The following TRAPPC9 variants were observed in gnomAD, a reference collection of about 807,000 sequenced individuals.
TRAPPC9 encodes the protein trafficking protein particle complex subunit 9.
In TRAPPC9, 83 loss-of-function variants were observed where a neutral mutation model predicts 124.0. The observed-to-expected ratio is 0.67, with a 90% CI of 0.56 to 0.80. The LOEUF (loss-of-function observed/expected upper bound fraction) is 0.80, where lower values mean the gene tolerates loss of function less well. Ranked by LOEUF, TRAPPC9 falls within the 30% of genes least tolerant of loss-of-function variation. The pLI is 0.00. For missense variants in TRAPPC9, 1,302 were observed against 1,508.3 expected (o/e 0.86, Z 2.27); for synonymous variants, 638 against 617.5 (o/e 1.03, Z -0.49).
intron 21 of TRAPPC9, among the ~76,000 whole-genome samples, chr8:139,876,622 G>A (rs1192971738): frequency 2.6e-5 from 4 of 152,212 alleles, no homozygotes; most frequent in African/African-American, 9.6e-5. Flanking sequence ...CCCCAGCACT[G>A]AGGACAGTGC....
At chr8:139,867,556 T>C (rs1282109057) in intron 21 of TRAPPC9, among the ~76,000 whole-genome samples, 1 of 152,140 alleles carries the variant, frequency 6.6e-6, no homozygotes, top group African/African-American at 2.4e-5. Context: ...GCAAACACCA[T>C]CTTAATCAAA....
chr8:140,329,777 A>G (rs895429291), intron 9 of TRAPPC9, among the ~76,000 whole-genome samples: 5 of 152,116 alleles, frequency 3.3e-5, no homozygotes, highest in Admixed American at 2.0e-4. Context: ...TAAGAAGCTA[A>G]ATTATATTCA....
intron 19 of TRAPPC9, among the ~76,000 whole-genome samples, chr8:139,919,818 C>CA (rs976640304): frequency 1.3e-5 from 2 of 152,184 alleles, no homozygotes; most frequent in Non-Finnish European, 2.9e-5. Context: ...CACAGGAAGG[C>CA]AGTGGCTTGA....
At position 139,733,040 on chromosome 8, in the gene TRAPPC9, C is replaced by G. The variant is rs149956991; in HGVS notation, c.3056-838G>C. Among the ~76,000 whole-genome samples, 849 of 151,798 alleles carry G rather than the reference C, an allele frequency of 5.6e-3. 5 individuals carry two copies. Among genetic ancestry groups the G allele is most frequent in the African/African-American group, 0.019 (782 of 41,384 alleles). ...TCTCTCAGGGAAGCGAGCTGATGATCAGGGTGGCAGGTTTCATGGTGATCC... is the reference window on the plus strand; with the variant it reads ...TCTCTCAGGGAAGCGAGCTGATGATGAGGGTGGCAGGTTTCATGGTGATCC... On this transcript the variant is annotated intron_variant, in intron 21 of 22. Coordinates refer to ENST00000438773, the MANE Select transcript of TRAPPC9 (RefSeq NM_001160372.4).
At chr8:139,774,065 A>C (rs1248294808) in intron 21 of TRAPPC9, among the ~76,000 whole-genome samples, 1 of 152,342 alleles carries the variant, frequency 6.6e-6, no homozygotes, top group Admixed American at 6.5e-5. Context: ...CAGGCTGCTG[A>C]GAGCGCAGTG....
At position 139,731,243 on chromosome 8, in the gene TRAPPC9, GAA is replaced by G; in HGVS notation, c.3280-17_3280-16del. 14 of 1,612,740 alleles carry G rather than the reference GAA, an allele frequency of 8.7e-6. No homozygotes were observed. The highest frequency in any genetic ancestry group is 1.2e-5 in the Non-Finnish European group (14 of 1,179,720). On this transcript the variant is annotated splice_polypyrimidine_tract_variant and intron_variant, in intron 22 of 22. Coordinates refer to ENST00000438773, the MANE Select transcript of TRAPPC9 (RefSeq NM_001160372.4). ...GACGGCTGCACCTGAGCAGGGAGGA[GAA>G]AGACACATCAGTCTGGTCAGCAGCA...
chr8:139,788,935 G>A lies in TRAPPC9; in HGVS notation c.3056-56733C>T, dbSNP rs2130585022. On this transcript the variant is annotated intron_variant, in intron 21 of 22. Transcript: ENST00000438773. This position sits in a 1 kb window ranked among gnomAD's most constrained non-coding sequence, Gnocchi z 4.9. ...GTTTTAAAAGAAAAGCCCACGTGGG[G>A]AGCATTTTGTTTTGAAAAAGCCAAA... 6.6e-6 allele frequency among the ~76,000 whole-genome samples: 1 copy of A among 152,316 alleles called. No homozygotes were observed. The highest frequency in any genetic ancestry group is 3.4e-3 in the Middle Eastern group (1 of 294).
chr8:140,319,182 T>C (rs1200735737), intron 9 of TRAPPC9, among the ~76,000 whole-genome samples: 2 of 148,962 alleles, frequency 1.3e-5, no homozygotes, highest in Non-Finnish European at 3.0e-5. Flanking sequence ...CTTTTTTTTT[T>C]TTTTTTTTTT....
chr8:140,437,728 GTGGC>G (rs1355099257), intron 3 of TRAPPC9, among the ~76,000 whole-genome samples: 4 of 152,178 alleles, frequency 2.6e-5, no homozygotes, highest in Admixed American at 2.6e-4. Context: ...ATTATCATAA[GTGGC>G]TGACAGGTGT....
intron 7 of TRAPPC9, among the ~76,000 whole-genome samples, chr8:140,372,623 G>A (rs2068314989): frequency 6.6e-6 from 1 of 152,102 alleles, no homozygotes; most frequent in Non-Finnish European, 1.5e-5. Context: ...TTAGGAGGTG[G>A]GGACTTTAAA....
intron 9 of TRAPPC9, 24 bp from the exon 10 acceptor site, chr8:140,311,398 T>C (rs778059716): frequency 5.3e-5 from 86 of 1,611,678 alleles, no homozygotes; most frequent in Non-Finnish European, 7.1e-5. Flanking sequence ...GAAAACAAAA[T>C]AAAGATGTAT....
rs140662116 is a variant in TRAPPC9, at chr8:140,129,487, C to A, written c.2556+91972G>T. 1.7e-3 allele frequency among the ~76,000 whole-genome samples: 254 copies of A among 152,134 alleles called. 2 individuals carry two copies. The highest frequency in any genetic ancestry group is 5.5e-3 in the African/African-American group (228 of 41,508). ...GCAAGCTGGCCCAGGGCATCGGAGC[C>A]AAGGAGGGGTCTAAAGGGTGTCTAC... On this transcript the variant is annotated intron_variant, in intron 17 of 22. Coordinates refer to ENST00000438773, the MANE Select transcript of TRAPPC9 (RefSeq NM_001160372.4).
chr8:140,425,587 TC>T (rs1279226811), intron 5 of TRAPPC9, among the ~76,000 whole-genome samples: 6 of 152,132 alleles, frequency 3.9e-5, no homozygotes, highest in African/African-American at 1.5e-4. Flanking sequence ...GGTGTACACA[TC>T]TAATTCTCCT....
At position 140,431,926 on chromosome 8, in the gene TRAPPC9, T is replaced by C. The variant is rs557548128; in HGVS notation, c.859+3186A>G. On this transcript the variant is annotated intron_variant, in intron 4 of 22. Transcript: ENST00000438773. Reference sequence around the variant, plus strand: ...AATCATGGCTGACTGCCTTCTGACATTGGAAGAAAAGTCCAATTTCACCAC... The same window carrying C: ...AATCATGGCTGACTGCCTTCTGACACTGGAAGAAAAGTCCAATTTCACCAC... 4.6e-5 allele frequency among the ~76,000 whole-genome samples: 7 copies of C among 152,316 alleles called. No individual in the cohort carries two copies. In the East Asian group the frequency reaches 9.6e-4, roughly 21 times the overall value.
At chr8:139,808,299 A>G (rs1002703763) in intron 21 of TRAPPC9, among the ~76,000 whole-genome samples, 2 of 152,102 alleles carry the variant, frequency 1.3e-5, no homozygotes, top group Non-Finnish European at 2.9e-5. Flanking sequence ...TCCCTACTAA[A>G]AAGTACAAAA....
intron 17 of TRAPPC9, among the ~76,000 whole-genome samples, chr8:140,199,014 G>A (rs534785218): frequency 3.3e-5 from 5 of 152,352 alleles, no homozygotes; most frequent in East Asian, 1.9e-4. Flanking sequence ...CAGGGCAAGC[G>A]GGGAGTGCGG....
In TRAPPC9 at chr8:140,283,363, C is replaced by T. The variant is rs373737052; in HGVS notation, c.2114+526G>A. ...AGGCTGGAGTGCAGTGGCGCGATCT[C>T]GGCTCACTGCAAGCTCCGCCTCCTG... On this transcript the variant is annotated intron_variant, in intron 14 of 22. Coordinates refer to ENST00000438773, the MANE Select transcript of TRAPPC9 (RefSeq NM_001160372.4). Among the ~76,000 whole-genome samples the T allele has an allele frequency of 3.0e-4, 40 of 135,296 alleles. No individual in the cohort carries two copies. The East Asian group carries it at 5.6e-3, about 19-fold the overall frequency. 88.8% of individuals were successfully genotyped at this position (135,296 alleles called of 152,430 possible).
chr8:140,271,745 G>A (rs2064890117), intron 15 of TRAPPC9, among the ~76,000 whole-genome samples: 1 of 152,202 alleles, frequency 6.6e-6, no homozygotes, highest in South Asian at 2.1e-4. Flanking sequence ...AATAACATGA[G>A]TGCAAACACC....
At chr8:139,756,177 G>T (rs754305577) in intron 21 of TRAPPC9, among the ~76,000 whole-genome samples, 7 of 114,824 alleles carry the variant, frequency 6.1e-5, no homozygotes, top group East Asian at 2.6e-4. Context: ...GAGGACAGCA[G>T]GTCGCAGGAG....
Sources: gnomAD v4.1 joint callset for allele counts (sites outside exome capture counted in the v4.1 genomes callset) on GRCh38, gnomAD v4.1.1 for gene constraint, Gnocchi (gnomAD v3.1) non-coding constraint, MANE v1.5 for transcripts, NCBI Gene and HGNC (gene_info 2026-07-23, HGNC 2026-07-21) for gene names.